Variants in UNC79 observed in about 807,000 individuals in gnomAD.
UNC79 encodes protein unc-79 homolog.
A neutral mutation model predicts 283.1 loss-of-function variants in UNC79; 37 were observed. That is an observed-to-expected ratio of 0.13 (90% confidence interval 0.10 to 0.17). UNC79 has a LOEUF of 0.17. Ranked by LOEUF, UNC79 falls within the 10% of genes least tolerant of loss-of-function variation. The probability of loss-of-function intolerance (pLI) is 1.00; values close to 1 mark genes in which losing one functional copy is unlikely to be tolerated. For missense variants in UNC79, 2,272 were observed against 3,211.1 expected, an observed-to-expected ratio of 0.71 and a Z score of 7.07; for synonymous variants, 1,107 against 1,200.2, an observed-to-expected ratio of 0.92 and a Z score of 1.61.
At chr14:93,676,216 C>T (rs1290728919) in intron 41 of UNC79, among the ~76,000 whole-genome samples, 1 of 152,130 alleles carries the variant, frequency 6.6e-6, no homozygotes, top group Non-Finnish European at 1.5e-5. Flanking sequence ...GCCACCATGC[C>T]TGGCCAATTT....
intron 1 of UNC79, among the ~76,000 whole-genome samples, chr14:93,425,039 G>GT (rs1157583622): frequency 2.6e-5 from 4 of 152,084 alleles, no homozygotes; most frequent in Admixed American, 2.6e-4. Context: ...CACATGGCAG[G>GT]TGTATTAGTC....
rs1372300674 is a variant in UNC79, at chr14:93,690,400, TATC to T, written c.7272+100_7272+102del. 5.1e-6 allele frequency: 7 copies of T among 1,381,428 alleles called. No homozygotes were observed. In the African/African-American group the frequency reaches 1.0e-4, roughly 20 times the overall value. 85.6% of individuals were successfully genotyped at this position (1,381,428 alleles called of 1,614,324 possible). ...TTTCTTCTGAGAAGAAAATACATCT[TATC>T]ATTTGCCCTCCTGTGGATGTTAGAA... On this transcript the variant is annotated intron_variant, in intron 45 of 48. Transcript: ENST00000555664. The surrounding 1 kb of genome is among the most constrained non-coding windows in gnomAD (Gnocchi z 4.3).
intron 7 of UNC79, among the ~76,000 whole-genome samples, chr14:93,498,972 CATT>C (rs1226940657): frequency 1.3e-5 from 2 of 152,156 alleles, no homozygotes; most frequent in Admixed American, 1.3e-4. Context: ...TATTTGTTCA[CATT>C]ATTGTTATTT....
At chr14:93,702,289 G>A (rs577831512) in intron 47 of UNC79, among the ~76,000 whole-genome samples, 41 of 152,242 alleles carry the variant, frequency 2.7e-4, no homozygotes, top group African/African-American at 9.6e-4. Context: ...GGGAGGCATG[G>A]AGAGGGTGGC....
At chr14:93,598,400 GTGTGTGT>G (rs1566742097) in intron 24 of UNC79, among the ~76,000 whole-genome samples, 2 of 151,620 alleles carry the variant, frequency 1.3e-5, no homozygotes, top group Admixed American at 6.6e-5. Flanking sequence ...GTGTGTGTGT[GTGTGTGT>G]GTGGCAGATT....
intron 1 of UNC79, among the ~76,000 whole-genome samples, chr14:93,388,035 G>C (rs530844677): frequency 6.6e-6 from 1 of 151,988 alleles, no homozygotes; most frequent in South Asian, 2.1e-4. Context: ...TTTTGTTTAA[G>C]TATAGCTACC....
In UNC79 at chr14:93,546,426, T is replaced by C. The variant is rs567298397; in HGVS notation, c.1755+3730T>C. Reference sequence around the variant, plus strand: ...TGCAAAGGTGGTTTCATAACCAAGTTTCCCAATTATGTCCTGTTAAAAGCA... The same window carrying C: ...TGCAAAGGTGGTTTCATAACCAAGTCTCCCAATTATGTCCTGTTAAAAGCA... On this transcript the variant is annotated intron_variant, in intron 14 of 48. Coordinates refer to ENST00000555664, the Ensembl canonical transcript of UNC79. Among the ~76,000 whole-genome samples the C allele has an allele frequency of 1.5e-3, 231 of 152,362 alleles. 1 individual carries two copies. The highest frequency in any genetic ancestry group is 2.5e-3 in the Admixed American group (39 of 15,306).
chr14:93,336,015 T>G (rs2053571936), intron 1 of UNC79, among the ~76,000 whole-genome samples: 1 of 152,148 alleles, frequency 6.6e-6, no homozygotes, highest in Non-Finnish European at 1.5e-5. Context: ...AAAATAAGAG[T>G]AATCAACATT....
chr14:93,459,136 T>G (rs2056872858), intron 1 of UNC79, among the ~76,000 whole-genome samples: 1 of 152,064 alleles, frequency 6.6e-6, no homozygotes, highest in Non-Finnish European at 1.5e-5. Flanking sequence ...AGATTACAGG[T>G]GGGTGCCACC....
At chr14:93,579,323 G>T (rs552869727) in intron 18 of UNC79, among the ~76,000 whole-genome samples, 1 of 152,202 alleles carries the variant, frequency 6.6e-6, no homozygotes, top group Admixed American at 6.5e-5. Flanking sequence ...CTACCTTATG[G>T]ATTTCCTGTT....
At chr14:93,422,380 TCCAGG>T in intron 1 of UNC79, among the ~76,000 whole-genome samples, 1 of 147,068 alleles carries the variant, frequency 6.8e-6, no homozygotes, top group Non-Finnish European at 1.5e-5. Context: ...AGATGAAGCC[TCCAGG>T]TAGCTGGCTT....
intron 10 of UNC79, 75 bp downstream of exon 10, chr14:93,529,401 CTATTT>C (rs2060697829): frequency 5.3e-6 from 8 of 1,505,436 alleles, no homozygotes; most frequent in Non-Finnish European, 7.3e-6. Flanking sequence ...TCCTTTTGTA[CTATTT>C]TATTTTACAA....
At chr14:93,363,059 T>G (rs1458972704) in intron 1 of UNC79, among the ~76,000 whole-genome samples, 1 of 152,108 alleles carries the variant, frequency 6.6e-6, no homozygotes, top group Non-Finnish European at 1.5e-5. Context: ...GATGTTGGGT[T>G]GTTAATATGA....
intron 39 of UNC79, among the ~76,000 whole-genome samples, chr14:93,659,555 T>C: frequency 6.6e-6 from 1 of 152,238 alleles, no homozygotes; most frequent in African/African-American, 2.4e-5. Context: ...GTTGGTTCTT[T>C]GCTTTAAAAT....
chr14:93,477,107 CT>C (rs1441398517), intron 3 of UNC79, among the ~76,000 whole-genome samples: 5 of 152,178 alleles, frequency 3.3e-5, no homozygotes, highest in African/African-American at 1.2e-4. Flanking sequence ...GCTGAAATTG[CT>C]GCTCGGCTGA....
chr14:93,432,606 A>G (rs7151525), intron 1 of UNC79, among the ~76,000 whole-genome samples: 2,125 of 152,122 alleles, frequency 0.014, 23 homozygotes, highest in Middle Eastern at 0.034. Context: ...TTTTTTTTGC[A>G]TGTTTCTGAA....
chr14:93,493,436 T>G (rs2058834593), intron 5 of UNC79, among the ~76,000 whole-genome samples: 1 of 152,162 alleles, frequency 6.6e-6, no homozygotes, highest in South Asian at 2.1e-4. Flanking sequence ...TCACCCCTGC[T>G]GCAGTTGAGA....
intron 14 of UNC79, among the ~76,000 whole-genome samples, chr14:93,564,210 G>A (rs1199045962): frequency 1.3e-5 from 2 of 152,140 alleles, no homozygotes; most frequent in African/African-American, 4.8e-5. Flanking sequence ...TTCAAGCAAC[G>A]GAAAGAGGAG....
At chr14:93,344,831 G>A (rs1392148884) in intron 1 of UNC79, among the ~76,000 whole-genome samples, 1 of 152,214 alleles carries the variant, frequency 6.6e-6, no homozygotes. Flanking sequence ...TGAGGTTAGG[G>A]AGGTGGCCAG....
Sources: gnomAD v4.1 joint callset for allele counts (sites outside exome capture counted in the v4.1 genomes callset) on GRCh38, gnomAD v4.1.1 for gene constraint, Gnocchi (gnomAD v3.1) non-coding constraint, MANE v1.5 for transcripts, NCBI Gene and HGNC (gene_info 2026-07-23, HGNC 2026-07-21) for gene names.